RNF180: variants seen among roughly 807,000 people sequenced by gnomAD.
RNF180 encodes the protein ring finger protein 180.
RNF180 carries 38 observed loss-of-function variants against 59.2 expected under a neutral mutation model. The observed-to-expected ratio is 0.64, with a 90% confidence interval of 0.50 to 0.84. The LOEUF (loss-of-function observed/expected upper bound fraction) is 0.84. Among genes scored for constraint, RNF180 ranks in the 40% least tolerant of loss-of-function variants. The probability of loss-of-function intolerance (pLI) is 0.00; values close to 1 mark genes in which losing one functional copy is unlikely to be tolerated. For synonymous variants in RNF180, 262 were observed against 240.3 expected (o/e 1.09, Z -0.84); for missense variants, 705 against 700.9 (o/e 1.01, Z -0.07).
chr5:64,246,194 C>G (rs1429053693), intron 5 of RNF180, among the ~76,000 whole-genome samples: 1 of 152,046 alleles, frequency 6.6e-6, no homozygotes, highest in African/African-American at 2.4e-5. Flanking sequence ...ACCCTAACAT[C>G]ACAATTAAAA....
At chr5:64,266,867 G>T (rs968246476) in intron 5 of RNF180, among the ~76,000 whole-genome samples, 2 of 152,078 alleles carry the variant, frequency 1.3e-5, no homozygotes, top group Non-Finnish European at 2.9e-5. Flanking sequence ...ACTACTGAAA[G>T]CCAAAAGTTC....
chr5:64,189,169 T>C (rs1054267733), intron 1 of RNF180, among the ~76,000 whole-genome samples: 1 of 152,080 alleles, frequency 6.6e-6, no homozygotes. Flanking sequence ...TAAATTTCTT[T>C]GGTTTAAGCC....
At chr5:64,317,149 CGT>C (rs140830557) in intron 5 of RNF180, among the ~76,000 whole-genome samples, 9 of 151,176 alleles carry the variant, frequency 6.0e-5, no homozygotes, top group East Asian at 3.9e-4. Flanking sequence ...TATGTGTGTG[CGT>C]GTGTGTGTGT....
At chr5:64,342,168 ACT>A (rs1436612351) in intron 7 of RNF180, among the ~76,000 whole-genome samples, 1 of 152,094 alleles carries the variant, frequency 6.6e-6, no homozygotes, top group African/African-American at 2.4e-5. Flanking sequence ...GCAAGCGATC[ACT>A]CTCAGTGGCA....
chr5:64,168,013 T>G (rs1298987406), intron 1 of RNF180, among the ~76,000 whole-genome samples: 1 of 152,208 alleles, frequency 6.6e-6, no homozygotes, highest in Non-Finnish European at 1.5e-5. Context: ...TGCTGTCGTT[T>G]ATATTTTTAG....
chr5:64,273,375 T>C (rs541138295), intron 5 of RNF180, among the ~76,000 whole-genome samples: 7 of 151,988 alleles, frequency 4.6e-5, no homozygotes, highest in Non-Finnish European at 8.8e-5. Context: ...GAAATAGCCA[T>C]TCTTTTATTC....
intron 5 of RNF180, among the ~76,000 whole-genome samples, chr5:64,272,209 G>A (rs1345251669): frequency 1.3e-5 from 2 of 152,036 alleles, no homozygotes; most frequent in Non-Finnish European, 2.9e-5. Flanking sequence ...ACGTTTCTAT[G>A]AGGACATATA....
intron 5 of RNF180, among the ~76,000 whole-genome samples, chr5:64,307,206 C>G (rs1227774184): frequency 6.7e-6 from 1 of 149,748 alleles, no homozygotes; most frequent in African/African-American, 2.5e-5. Context: ...CAGGAAATCT[C>G]AACACAATAC....
intron 1 of RNF180, among the ~76,000 whole-genome samples, chr5:64,193,454 A>G (rs1311084751): frequency 6.6e-6 from 1 of 152,152 alleles, no homozygotes; most frequent in Non-Finnish European, 1.5e-5. Flanking sequence ...TTGTATCTTA[A>G]TAAAGCTTTT....
chr5:64,326,161 T>TG (rs1744627981), intron 6 of RNF180, among the ~76,000 whole-genome samples: 1 of 152,044 alleles, frequency 6.6e-6, no homozygotes, highest in South Asian at 2.1e-4. Context: ...AAATATATGG[T>TG]GCGTCTTTCT....
chr5:64,330,442 A>G (rs1225654773), intron 7 of RNF180, 36 bp downstream of exon 7: 2 of 1,521,592 alleles, frequency 1.3e-6, no homozygotes, highest in African/African-American at 1.4e-5. Context: ...AAGTCTGGTA[A>G]TTTTGTCTAA....
At chr5:64,210,230 A>G (rs956962779) in intron 2 of RNF180, among the ~76,000 whole-genome samples, 7 of 152,124 alleles carry the variant, frequency 4.6e-5, no homozygotes, top group African/African-American at 9.7e-5. Context: ...GTCTAATGCT[A>G]GTGATCTAGG....
At chr5:64,306,969 TATA>T (rs569086927) in intron 5 of RNF180, among the ~76,000 whole-genome samples, 1 of 149,390 alleles carries the variant, frequency 6.7e-6, no homozygotes, top group Non-Finnish European at 1.5e-5. Context: ...AAACTTAAAG[TATA>T]ATAATAATAA....
intron 7 of RNF180, among the ~76,000 whole-genome samples, chr5:64,343,801 A>T (rs2112567944): frequency 6.6e-6 from 1 of 151,124 alleles, no homozygotes; most frequent in South Asian, 2.1e-4. Context: ...AGGTGAAATA[A>T]AGACATTTCA....
Position 64,214,072 on chromosome 5 carries a change from A to C in RNF180, c.746A>C (p.His249Pro), listed in dbSNP as rs142108516. Residue 249 changes from histidine (H) to proline (P), a missense_variant, in exon 4 of 8, where the codon CAT (histidine) becomes CCT (proline). By Grantham distance (77) the His-to-Pro change is moderately conservative. Transcript: ENST00000389100. ...TTATTACCCACTTTATATGAAATACATAGTAAGACTACTGCCTATTCCAGA... is the reference window on the plus strand; with the variant it reads ...TTATTACCCACTTTATATGAAATACCTAGTAAGACTACTGCCTATTCCAGA... ...LTLLPTLYEI[H>P]SKTTAYSRLN... 2 of 1,614,066 alleles carry C rather than the reference A, an allele frequency of 1.2e-6. No individual in the cohort carries two copies. Among genetic ancestry groups the C allele is most frequent in the Admixed American group, 3.3e-5 (2 of 60,002 alleles).
chr5:64,186,414 G>C (rs1042971449), intron 1 of RNF180, among the ~76,000 whole-genome samples: 1 of 152,008 alleles, frequency 6.6e-6, no homozygotes, highest in Admixed American at 6.6e-5. Flanking sequence ...AGAAGCACTT[G>C]GGAGGAAGAA....
At chr5:64,268,347 T>A (rs1744807671) in intron 5 of RNF180, among the ~76,000 whole-genome samples, 1 of 152,296 alleles carries the variant, frequency 6.6e-6, no homozygotes, top group South Asian at 2.1e-4. Flanking sequence ...TAAGAGGCAA[T>A]GAAATATTTT....
intron 1 of RNF180, among the ~76,000 whole-genome samples, chr5:64,179,168 G>C (rs1294749744): frequency 6.6e-6 from 1 of 151,984 alleles, no homozygotes; most frequent in Non-Finnish European, 1.5e-5. Context: ...ATACTTATGG[G>C]ATAGAAAATA....
At chr5:64,366,923 T>C (rs1374130503) in intron 7 of RNF180, among the ~76,000 whole-genome samples, 1 of 151,564 alleles carries the variant, frequency 6.6e-6, no homozygotes, top group African/African-American at 2.4e-5. Flanking sequence ...GTTTCCTCCA[T>C]GGTACATATG....
Sources: allele counts gnomAD v4.1 joint callset (sites outside exome capture counted in the v4.1 genomes callset), GRCh38; gene constraint gnomAD v4.1.1; transcripts MANE v1.5; gene names NCBI Gene and HGNC (gene_info 2026-07-23, HGNC 2026-07-21).